Variants in SLC2A9 observed in about 807,000 individuals in gnomAD.
The protein encoded by SLC2A9 is solute carrier family 2, facilitated glucose transporter member 9.
Under a neutral mutation model 50.6 loss-of-function variants are expected in SLC2A9, and 39 were observed. The observed-to-expected ratio is 0.77, with a 90% CI of 0.60 to 1.01. The LOEUF (loss-of-function observed/expected upper bound fraction) is 1.01, where lower values mean the gene tolerates loss of function less well. Among genes scored for constraint, SLC2A9 ranks in the 50% least tolerant of loss-of-function variants. The probability of loss-of-function intolerance (pLI) is 0.00; values close to 1 mark genes in which losing one functional copy is unlikely to be tolerated. For missense variants in SLC2A9, 686 were observed against 677.6 expected, an observed-to-expected ratio of 1.01 and a Z score of -0.14; for synonymous variants, 324 against 276.9, an observed-to-expected ratio of 1.17 and a Z score of -1.69.
At chr4:9,966,521 T>C (rs1753076315) in intron 5 of SLC2A9, among the ~76,000 whole-genome samples, 1 of 151,780 alleles carries the variant, frequency 6.6e-6, no homozygotes, top group African/African-American at 2.4e-5. Context: ...CCAGGTGTGG[T>C]GGTGGATGCC....
At chr4:10,010,445 G>C (rs1019357053) in intron 2 of SLC2A9, among the ~76,000 whole-genome samples, 5 of 152,180 alleles carry the variant, frequency 3.3e-5, no homozygotes, top group African/African-American at 1.2e-4. Flanking sequence ...ACCCCCAAAT[G>C]TGTTACCATA....
At chr4:9,880,103 C>T in intron 10 of SLC2A9, 1 of 985,432 alleles carries the variant, frequency 1.0e-6, no homozygotes, top group Non-Finnish European at 1.2e-6. Context: ...GCCACACTTT[C>T]CCGGGTGGCT....
At chr4:9,879,526 C>A (rs906820439) in intron 10 of SLC2A9, 1 of 985,184 alleles carries the variant, frequency 1.0e-6, no homozygotes. Context: ...CTGTCAAATG[C>A]TGATACGCCC....
intron 3 of SLC2A9, among the ~76,000 whole-genome samples, chr4:9,816,272 G>T (rs192486249): frequency 6.6e-6 from 1 of 152,278 alleles, no homozygotes; most frequent in East Asian, 1.9e-4. Flanking sequence ...ACCTGCTCTG[G>T]AGACAACTGC....
intron 3 of SLC2A9, among the ~76,000 whole-genome samples, chr4:9,804,922 G>A (rs1721923140): frequency 6.6e-6 from 1 of 152,160 alleles, no homozygotes; most frequent in Admixed American, 6.5e-5. Context: ...GGTGGGGACA[G>A]CCCTGTTGTT....
chr4:9,906,244 A>G (rs1740641158), intron 8 of SLC2A9, among the ~76,000 whole-genome samples: 1 of 152,214 alleles, frequency 6.6e-6, no homozygotes, highest in African/African-American at 2.4e-5. Flanking sequence ...AAAAAGACAC[A>G]GAGCTGGGAC....
chr4:9,776,276 T>G (rs1420877238), downstream of SLC2A9, among the ~76,000 whole-genome samples: 1 of 146,804 alleles, frequency 6.8e-6, no homozygotes, highest in African/African-American at 2.5e-5. Context: ...GGCAGGAGAG[T>G]GGCTTAGAAG....
intron 10 of SLC2A9, chr4:9,879,006 T>C (rs911695040): frequency 8.2e-6 from 8 of 980,082 alleles, no homozygotes; most frequent in African/African-American, 5.3e-5. Flanking sequence ...TTAATGAGTA[T>C]GTTTTGAATG....
intron 3 of SLC2A9, among the ~76,000 whole-genome samples, chr4:9,799,788 G>A (rs1347098221): frequency 1.4e-5 from 2 of 146,436 alleles, no homozygotes; most frequent in Non-Finnish European, 3.0e-5. Flanking sequence ...ATGGTACCAG[G>A]AGTGGGCAGT....
At chr4:9,848,466 G>C (rs952596071) in intron 10 of SLC2A9, among the ~76,000 whole-genome samples, 1 of 151,736 alleles carries the variant, frequency 6.6e-6, no homozygotes, top group East Asian at 1.9e-4. Flanking sequence ...CCTTATTCTC[G>C]ATCACAGCCT....
intron 2 of SLC2A9, among the ~76,000 whole-genome samples, chr4:10,013,287 C>T (rs1762070971): frequency 6.6e-6 from 1 of 152,240 alleles, no homozygotes; most frequent in Non-Finnish European, 1.5e-5. Flanking sequence ...ATCAGCACCT[C>T]TGTTCACATC....
At chr4:9,977,165 C>T (rs1754939145) in intron 5 of SLC2A9, among the ~76,000 whole-genome samples, 1 of 152,196 alleles carries the variant, frequency 6.6e-6, no homozygotes. Context: ...CTCATCATGT[C>T]CTCAATGATG....
intron 5 of SLC2A9, among the ~76,000 whole-genome samples, chr4:9,965,007 C>T (rs1752843196): frequency 6.6e-6 from 1 of 152,222 alleles, no homozygotes; most frequent in Admixed American, 6.5e-5. Flanking sequence ...TTTCTAAGTA[C>T]TGCCACATGA....
chr4:10,035,338 C>T (rs1764065378), intron 1 of SLC2A9: 2 of 152,266 alleles, frequency 1.3e-5, no homozygotes, highest in South Asian at 2.1e-4. Context: ...CTTCTGTTCA[C>T]TCTCAGATCA....
intron 3 of SLC2A9, among the ~76,000 whole-genome samples, chr4:9,802,771 C>T (rs1050685225): frequency 2.0e-5 from 3 of 152,122 alleles, no homozygotes; most frequent in African/African-American, 4.8e-5. Flanking sequence ...CCATGTTGGC[C>T]GGGCTGGTCT....
At chr4:9,860,091 C>T (rs577377874) in intron 10 of SLC2A9, among the ~76,000 whole-genome samples, 8 of 152,236 alleles carry the variant, frequency 5.3e-5, no homozygotes, top group South Asian at 2.1e-4. Context: ...GAGAACAGCC[C>T]GCAGTTCCTG....
intron 10 of SLC2A9, among the ~76,000 whole-genome samples, chr4:9,877,060 C>T (rs180951075): frequency 2.0e-3 from 311 of 152,048 alleles, no homozygotes; most frequent in Middle Eastern, 6.8e-3. Context: ...CTGCTTGGTC[C>T]GGAGGATTAG....
In SLC2A9 at chr4:10,006,148, A is replaced by G. The variant is rs545579161; in HGVS notation, c.250-9207T>C. On this transcript the variant is annotated intron_variant, in intron 2 of 11. Transcript: ENST00000264784. ...CATGAATCACTTACCATTATCTCCC[A>G]GGCCAGGAACCTGGGGACCAAGCCT... 1.7e-3 allele frequency among the ~76,000 whole-genome samples: 263 copies of G among 152,326 alleles called. 1 individual carries two copies. Among genetic ancestry groups the G allele is most frequent in the South Asian group, 3.5e-3 (17 of 4,824 alleles).
intron 3 of SLC2A9, chr4:9,783,553 C>T (rs1441039248): frequency 1.6e-6 from 2 of 1,213,552 alleles, no homozygotes; most frequent in Non-Finnish European, 2.3e-6. Flanking sequence ...CTTTCCAGTG[C>T]TGCTCCCTTT....
Sources: allele counts gnomAD v4.1 joint callset (sites outside exome capture counted in the v4.1 genomes callset), GRCh38; gene constraint gnomAD v4.1.1; transcripts MANE v1.5; gene names NCBI Gene and HGNC (gene_info 2026-07-23, HGNC 2026-07-21).